Variants in NHS observed in about 807,000 individuals in gnomAD.
NHS encodes NHS actin remodeling regulator, also known as actin remodeling regulator NHS.
In NHS, 5 loss-of-function variants were observed where a neutral mutation model predicts 72.5. The observed-to-expected ratio is 0.07, with a 90% CI of 0.04 to 0.14. The LOEUF is 0.14. Ranked by LOEUF, NHS falls within the 10% of genes least tolerant of loss-of-function variation. The probability of loss-of-function intolerance (pLI) is 1.00; values close to 1 mark genes in which losing one functional copy is unlikely to be tolerated. For missense variants in NHS, 1,072 were observed against 1,355.7 expected (o/e 0.79, Z 3.29); for synonymous variants, 464 against 547.7 (o/e 0.85, Z 2.13).
chrX:17,546,594 A>T (rs12014385), intron 1 of NHS, among the ~76,000 whole-genome samples: 4,644 of 111,794 alleles, frequency 0.042, 235 homozygotes, highest in African/African-American at 0.14. Context: ...TGTGCTTGGT[A>T]CTGGAGATAG....
At chrX:17,606,912 G>C (rs1285995883) in intron 1 of NHS, among the ~76,000 whole-genome samples, 3 of 112,117 alleles carry the variant, frequency 2.7e-5, no homozygotes, top group Admixed American at 1.9e-4. Flanking sequence ...AGTGCTTTAC[G>C]TGTATTAACG....
At chrX:17,442,445 C>T (rs2064760427) in intron 1 of NHS, among the ~76,000 whole-genome samples, 1 of 112,365 alleles carries the variant, frequency 8.9e-6, no homozygotes, top group Admixed American at 9.4e-5. Flanking sequence ...GCCCACTTGC[C>T]GTTGGCTGGA....
At chrX:17,414,800 T>C (rs1420172460) in intron 1 of NHS, among the ~76,000 whole-genome samples, 1 of 111,907 alleles carries the variant, frequency 8.9e-6, no homozygotes, top group African/African-American at 3.3e-5. Context: ...AGATGAATTC[T>C]ACTTTAGGAT....
At chrX:17,713,627 A>C (rs2066347761) in intron 3 of NHS, among the ~76,000 whole-genome samples, 1 of 111,875 alleles carries the variant, frequency 8.9e-6, no homozygotes, top group African/African-American at 3.3e-5. Flanking sequence ...ATAAGCCCCC[A>C]TCAGCATATA....
chrX:17,597,540 A>C (rs139799180), intron 1 of NHS, among the ~76,000 whole-genome samples: 180 of 109,631 alleles, frequency 1.6e-3, no homozygotes, highest in African/African-American at 6.0e-3. Flanking sequence ...GCAAAAGAAG[A>C]GAGCAGGCTA....
intron 1 of NHS, among the ~76,000 whole-genome samples, chrX:17,459,955 TG>T (rs1477168575): frequency 8.9e-6 from 1 of 112,103 alleles, no homozygotes; most frequent in Non-Finnish European, 1.9e-5. Flanking sequence ...CATAGAGTTT[TG>T]GCAGTGGGAG....
chrX:17,536,746 C>G lies in NHS; in HGVS notation c.566-150996C>G, dbSNP rs140447733. ...GGTCTCACTTATGCCACACACCTAACCACTGTCTGACACGTAGGAAACTTT... is the reference window on the plus strand; with the variant it reads ...GGTCTCACTTATGCCACACACCTAAGCACTGTCTGACACGTAGGAAACTTT... On this transcript the variant is annotated intron_variant, in intron 1 of 8. Coordinates refer to ENST00000676302, the MANE Select transcript of NHS (RefSeq NM_001291867.2). Among the ~76,000 whole-genome samples the G allele has an allele frequency of 7.1e-3, 798 of 112,561 alleles. 7 individuals carry two copies. The highest frequency in any genetic ancestry group is 0.025 in the African/African-American group (768 of 30,948).
intron 1 of NHS, among the ~76,000 whole-genome samples, chrX:17,567,451 T>G (rs1167247398): frequency 8.9e-6 from 1 of 112,047 alleles, no homozygotes; most frequent in Non-Finnish European, 1.9e-5. Context: ...GCTGCATCCC[T>G]GGCAGACTGC....
At chrX:17,573,527 A>G (rs1353190252) in intron 1 of NHS, among the ~76,000 whole-genome samples, 1 of 109,773 alleles carries the variant, frequency 9.1e-6, no homozygotes, top group Admixed American at 9.8e-5. Context: ...TTTCAGCTCC[A>G]TCAGATCATT....
chrX:17,399,397 C>T (rs768918012), intron 1 of NHS, among the ~76,000 whole-genome samples: 101 of 111,302 alleles, frequency 9.1e-4, no homozygotes, highest in Non-Finnish European at 1.7e-3. Context: ...CCACCATGCC[C>T]GACCCCTACT....
At chrX:17,434,810 C>T (rs949616387) in intron 1 of NHS, among the ~76,000 whole-genome samples, 1 of 111,740 alleles carries the variant, frequency 8.9e-6, no homozygotes, top group African/African-American at 3.3e-5. Context: ...GCCTTGATGG[C>T]AAGCAATACC....
chrX:17,593,387 T>C (rs2065611518), intron 1 of NHS, among the ~76,000 whole-genome samples: 1 of 110,655 alleles, frequency 9.0e-6, no homozygotes, highest in African/African-American at 3.3e-5. Flanking sequence ...GTGGGCCCAC[T>C]GGGAAGGAAC....
intron 1 of NHS, among the ~76,000 whole-genome samples, chrX:17,442,467 C>A (rs1440050235): frequency 8.9e-6 from 1 of 112,564 alleles, no homozygotes; most frequent in Non-Finnish European, 1.9e-5. Flanking sequence ...CTCAGTTACA[C>A]ACCTCTACTT....
intron 1 of NHS, among the ~76,000 whole-genome samples, chrX:17,640,022 T>C (rs2065873106): frequency 1.8e-5 from 2 of 112,096 alleles, no homozygotes; most frequent in Non-Finnish European, 3.8e-5. Context: ...TGGTTGATTC[T>C]TGCCTTCTCT....
chrX:17,615,183 A>ATATAC (rs34548387), intron 1 of NHS, among the ~76,000 whole-genome samples: 4 of 88,726 alleles, frequency 4.5e-5, no homozygotes, highest in African/African-American at 1.4e-4. Flanking sequence ...GTATATATAT[A>ATATAC]GTATATATAC....
At chrX:17,654,998 A>G (rs2065945859) in intron 1 of NHS, among the ~76,000 whole-genome samples, 1 of 112,218 alleles carries the variant, frequency 8.9e-6, no homozygotes, top group South Asian at 3.7e-4. Flanking sequence ...CATGGCTGCA[A>G]AGGCATTGTC....
intron 3 of NHS, among the ~76,000 whole-genome samples, chrX:17,704,101 A>G (rs1166861839): frequency 9.0e-6 from 1 of 110,633 alleles, no homozygotes; most frequent in Non-Finnish European, 1.9e-5. Flanking sequence ...ACTTGGTTGT[A>G]CACCTCGTGC....
chrX:17,640,411 A>G (rs191072947), intron 1 of NHS, among the ~76,000 whole-genome samples: 5 of 112,037 alleles, frequency 4.5e-5, no homozygotes, highest in East Asian at 2.8e-4. Context: ...AATGGCAGAA[A>G]GGACATACAG....
rs1374899712 is a variant in NHS, at chrX:17,468,256, A to AACT, written c.565+91934_565+91935insACT. ...ATGTCATCTAAAATAAAAAAAGAAA[A>AACT]GTTCCTTGCCATCGATCACAGTTTG... On this transcript the variant is annotated intron_variant, in intron 1 of 8. Coordinates refer to ENST00000676302, the MANE Select transcript of NHS (RefSeq NM_001291867.2). Among the ~76,000 whole-genome samples, 674 of 111,465 alleles carry AACT rather than the reference A, an allele frequency of 6.0e-3. 2 individuals are homozygous for AACT. Among genetic ancestry groups the AACT allele is most frequent in the Non-Finnish European group, 9.2e-3 (491 of 53,132 alleles).
Sources: allele counts gnomAD v4.1 joint callset (sites outside exome capture counted in the v4.1 genomes callset), GRCh38; gene constraint gnomAD v4.1.1; transcripts MANE v1.5; gene names NCBI Gene and HGNC (gene_info 2026-07-23, HGNC 2026-07-21).